CALN1: variants seen among roughly 807,000 people sequenced by gnomAD.
CALN1 encodes calcium-binding protein 8.
A neutral mutation model predicts 30.6 loss-of-function variants in CALN1; 17 were observed. The observed-to-expected ratio is 0.56, with a 90% confidence interval of 0.38 to 0.83. The LOEUF (loss-of-function observed/expected upper bound fraction) is 0.83, where lower values mean the gene tolerates loss of function less well. Ranked by LOEUF, CALN1 falls within the 40% of genes least tolerant of loss-of-function variation. The pLI, the probability that CALN1 is intolerant of heterozygous loss-of-function variation, is 0.00. For synonymous variants in CALN1, 156 were observed against 131.4 expected, an observed-to-expected ratio of 1.19 and a Z score of -1.28; for missense variants, 291 against 354.9, an observed-to-expected ratio of 0.82 and a Z score of 1.45.
At chr7:71,955,853 T>G (rs1163582609) in intron 5 of CALN1, among the ~76,000 whole-genome samples, 1 of 151,988 alleles carries the variant, frequency 6.6e-6, no homozygotes, top group Admixed American at 6.6e-5. Flanking sequence ...GAATGTACTC[T>G]AAGAGGGCTT....
chr7:71,947,732 G>A (rs1796477114), intron 5 of CALN1, among the ~76,000 whole-genome samples: 1 of 152,088 alleles, frequency 6.6e-6, no homozygotes, highest in South Asian at 2.1e-4. Context: ...CCTGAGGTCA[G>A]GAGTTCGAGA....
At chr7:71,831,336 C>CG (rs1180961505) in intron 5 of CALN1, among the ~76,000 whole-genome samples, 1 of 151,948 alleles carries the variant, frequency 6.6e-6, no homozygotes, top group East Asian at 1.9e-4. Flanking sequence ...AAAAATTAGC[C>CG]GGGTGCAGTG....
chr7:72,212,123 C>T (rs549244783), intron 3 of CALN1, among the ~76,000 whole-genome samples: 13 of 151,886 alleles, frequency 8.6e-5, no homozygotes, highest in East Asian at 1.9e-4. Context: ...GAGGCCAAGG[C>T]GGGCAGATAA....
At chr7:72,251,971 G>T (rs1206473142) in intron 3 of CALN1, among the ~76,000 whole-genome samples, 25 of 152,082 alleles carry the variant, frequency 1.6e-4, no homozygotes, top group Admixed American at 1.6e-3. Flanking sequence ...ATAATTAATT[G>T]ATCAATCATT....
At chr7:72,300,625 A>T (rs568136379) in intron 2 of CALN1, among the ~76,000 whole-genome samples, 1 of 152,204 alleles carries the variant, frequency 6.6e-6, no homozygotes, top group Admixed American at 6.5e-5. Flanking sequence ...TATTACAATC[A>T]TGATATAGGG....
intron 2 of CALN1, among the ~76,000 whole-genome samples, chr7:72,375,712 C>A (rs1312771360): frequency 2.0e-5 from 3 of 152,052 alleles, no homozygotes; most frequent in Non-Finnish European, 4.4e-5. Context: ...GAACTCCTGG[C>A]CTCAAGCAAT....
intron 3 of CALN1, among the ~76,000 whole-genome samples, chr7:72,220,201 C>T (rs1393027760): frequency 8.7e-5 from 10 of 114,768 alleles, no homozygotes; most frequent in African/African-American, 3.4e-4. Context: ...CTCCCCCCAC[C>T]CCACAACAGT....
At chr7:72,275,666 C>T (rs972482152) in intron 3 of CALN1, among the ~76,000 whole-genome samples, 8 of 152,210 alleles carry the variant, frequency 5.3e-5, no homozygotes, top group Admixed American at 4.6e-4. Flanking sequence ...GCCCCCACTT[C>T]ACTCAATAAA....
chr7:72,144,653 A>G (rs955591570), intron 3 of CALN1, among the ~76,000 whole-genome samples: 1 of 152,192 alleles, frequency 6.6e-6, no homozygotes, highest in Non-Finnish European at 1.5e-5. Context: ...TCTCCACCCA[A>G]AATCAACAGA....
At chr7:72,422,206 T>C (rs1807634281) in intron 1 of CALN1, among the ~76,000 whole-genome samples, 1 of 152,254 alleles carries the variant, frequency 6.6e-6, no homozygotes, top group African/African-American at 2.4e-5. Context: ...ATCTCCATAC[T>C]GTTTTCCATA....
At chr7:72,106,964 A>G (rs1807208860) in intron 3 of CALN1, among the ~76,000 whole-genome samples, 1 of 151,592 alleles carries the variant, frequency 6.6e-6, no homozygotes, top group African/African-American at 2.4e-5. Flanking sequence ...AAATGAAGAA[A>G]GGGAGAAAGA....
intron 6 of CALN1, among the ~76,000 whole-genome samples, chr7:71,806,932 C>T (rs2116146467): frequency 6.6e-6 from 1 of 152,318 alleles, no homozygotes; most frequent in African/African-American, 2.4e-5. Context: ...GCTGCAAACC[C>T]TGCTGTCTCA....
chr7:72,410,052 T>TC (rs1401291882), intron 1 of CALN1, among the ~76,000 whole-genome samples: 9 of 143,974 alleles, frequency 6.3e-5, no homozygotes, highest in Admixed American at 1.3e-4. Flanking sequence ...CTTGAAGATA[T>TC]CTTTTGGACA....
chr7:71,979,869 C>CTTTTTTTTTTTTT (rs555621436), intron 5 of CALN1, among the ~76,000 whole-genome samples: 14 of 89,682 alleles, frequency 1.6e-4, no homozygotes, highest in African/African-American at 5.5e-4. Context: ...CATCAGGATT[C>CTTTTTTTTTTTTT]TTTTTTTTTT....
intron 6 of CALN1, among the ~76,000 whole-genome samples, chr7:71,790,120 GAGAAGAA>G (rs140957855): frequency 0.33 from 47,733 of 144,080 alleles, 8,066 homozygotes; most frequent in East Asian, 0.51. Context: ...GAGAGAGAGA[GAGAAGAA>G]AGAAGAAAGA....
chr7:72,458,240 TTA>T, the CALN1 span, among the ~76,000 whole-genome samples: 4 of 104,246 alleles, frequency 3.8e-5, 1 homozygote, highest in Non-Finnish European at 7.1e-5. Context: ...ATATTCTATA[TTA>T]TATAATATAT....
chr7:71,859,918 G>A (rs751430776), intron 5 of CALN1, among the ~76,000 whole-genome samples: 1 of 152,164 alleles, frequency 6.6e-6, no homozygotes, highest in Non-Finnish European at 1.5e-5. Flanking sequence ...GGAACAGATT[G>A]ATAACATTTA....
At chr7:72,397,366 G>T (rs1039053350) in intron 2 of CALN1, among the ~76,000 whole-genome samples, 1 of 152,134 alleles carries the variant, frequency 6.6e-6, no homozygotes, top group Non-Finnish European at 1.5e-5. Flanking sequence ...TGAGGCCACA[G>T]GAGTCAAAGT....
Position 71,983,723 on chromosome 7 carries a change from G to A in CALN1, c.501+39934C>T, listed in dbSNP as rs531762694. 2.3e-4 allele frequency among the ~76,000 whole-genome samples: 35 copies of A among 152,142 alleles called. No individual in the cohort carries two copies. In the South Asian group the frequency reaches 7.3e-3, roughly 32 times the overall value. On this transcript the variant is annotated intron_variant, in intron 5 of 6. Coordinates refer to ENST00000395275, the MANE Select transcript of CALN1 (RefSeq NM_031468.4). ...ATTTTTGTATTTTTAGTAGAAACGG[G>A]GTTTCGCCATGTTGGCCAGGCTGGT...
Sources: gnomAD v4.1 joint callset for allele counts (sites outside exome capture counted in the v4.1 genomes callset) on GRCh38, gnomAD v4.1.1 for gene constraint, MANE v1.5 for transcripts, NCBI Gene and HGNC (gene_info 2026-07-23, HGNC 2026-07-21) for gene names.